Variants in HDAC1 observed in about 807,000 individuals in gnomAD.
The protein encoded by HDAC1 is histone deacetylase 1.
In HDAC1, 18 loss-of-function variants were observed where a neutral mutation model predicts 65.5. The ratio of observed to expected loss-of-function variants is 0.27; its 90% CI spans 0.19 to 0.41. HDAC1 has a LOEUF of 0.41. Among genes scored for constraint, HDAC1 ranks in the 10% least tolerant of loss-of-function variants. The pLI is 1.00. For synonymous variants in HDAC1, 211 were observed against 227.9 expected (o/e 0.93, Z 0.67); for missense variants, 373 against 625.2 (o/e 0.60, Z 4.30).
At chr1:32,324,152 T>C (rs550987498) in intron 3 of HDAC1, among the ~76,000 whole-genome samples, 36 of 151,586 alleles carry the variant, frequency 2.4e-4, no homozygotes, top group African/African-American at 8.7e-4. Flanking sequence ...CATGCACCTG[T>C]AGTCCAAAGT....
chr1:32,310,484 A>G (rs1477277113), intron 2 of HDAC1, among the ~76,000 whole-genome samples: 2 of 152,156 alleles, frequency 1.3e-5, no homozygotes, highest in Non-Finnish European at 2.9e-5. Flanking sequence ...AGGCTAAGGC[A>G]AGAAGATCAC....
At position 32,321,458 on chromosome 1, in the gene HDAC1, G is replaced by C. The variant is rs550048011; in HGVS notation, c.281-3021G>C. On this transcript the variant is annotated intron_variant, in intron 3 of 13. Coordinates refer to ENST00000373548, the MANE Select transcript of HDAC1 (RefSeq NM_004964.3). ...TAATCTTCCCATCTCTTTGCAATGAGCATTTGACTGCCTTCTCTGCCTACG... is the reference window on the plus strand; with the variant it reads ...TAATCTTCCCATCTCTTTGCAATGACCATTTGACTGCCTTCTCTGCCTACG... Among the ~76,000 whole-genome samples, 3 of 146,186 alleles carry C rather than the reference G, an allele frequency of 2.1e-5. No homozygotes were observed. In the South Asian group the frequency reaches 6.5e-4, roughly 32 times the overall value.
chr1:32,314,386 T>G (rs1347844626), intron 2 of HDAC1, among the ~76,000 whole-genome samples: 1 of 151,414 alleles, frequency 6.6e-6, no homozygotes, highest in Non-Finnish European at 1.5e-5. Flanking sequence ...AGAGACAGGG[T>G]TTCACCACGT....
chr1:32,301,290 C>CA (rs1409602796), intron 1 of HDAC1, among the ~76,000 whole-genome samples: 1 of 151,494 alleles, frequency 6.6e-6, no homozygotes, highest in Non-Finnish European at 1.5e-5. Context: ...ACTAAAAATA[C>CA]AAAAAATTAG....
At chr1:32,295,873 A>G (rs935222275) in intron 1 of HDAC1, among the ~76,000 whole-genome samples, 2 of 152,136 alleles carry the variant, frequency 1.3e-5, no homozygotes, top group Non-Finnish European at 2.9e-5. Context: ...GATTATAGGC[A>G]TGACCCACCA....
chr1:32,306,810 CTG>C (rs1162714094), intron 2 of HDAC1, among the ~76,000 whole-genome samples: 1 of 152,026 alleles, frequency 6.6e-6, no homozygotes, highest in Non-Finnish European at 1.5e-5. Flanking sequence ...ATGGATAGTA[CTG>C]TATCCTATAT....
intron 13 of HDAC1, 110 bp from the exon 14 acceptor site, chr1:32,332,907 G>A: frequency 1.6e-6 from 2 of 1,257,258 alleles, no homozygotes; most frequent in Non-Finnish European, 2.3e-6. Flanking sequence ...GCAGAGCTAG[G>A]AGCCCCAGCC....
rs893214989 is a variant in HDAC1 at position 32,330,235 on chromosome 1, C to T, written c.730-343C>T. On this transcript the variant is annotated intron_variant, in intron 7 of 13. Transcript: ENST00000373548. This position sits in a 1 kb window ranked among gnomAD's most constrained non-coding sequence, Gnocchi z 4.2. ...ATGTAAGGCTTCAAGTCTGTAAGAC[C>T]GAATGAGTAGAGTAGATGCAGCTAA... 2 of 269,544 alleles carry T rather than the reference C, an allele frequency of 7.4e-6. No individual in the cohort carries two copies. Among genetic ancestry groups the T allele is most frequent in the Non-Finnish European group, 1.4e-5 (2 of 139,200 alleles). 16.7% of individuals were successfully genotyped at this position (269,544 alleles called of 1,614,324 possible). A position where few individuals can be genotyped will look rare whatever the true frequency, so the allele number is the denominator to read the frequency against.
At chr1:32,293,279 C>A in intron 1 of HDAC1, among the ~76,000 whole-genome samples, 1 of 150,414 alleles carries the variant, frequency 6.6e-6, no homozygotes, top group Non-Finnish European at 1.5e-5. Flanking sequence ...TGAGATCGTG[C>A]CACTGCACTC....
intron 4 of HDAC1, among the ~76,000 whole-genome samples, chr1:32,326,030 AAAC>A (rs946615425): frequency 1.2e-4 from 19 of 152,188 alleles, no homozygotes; most frequent in South Asian, 2.1e-4. Flanking sequence ...CCATCTCAAA[AAAC>A]AACAACAAAT....
In HDAC1 at chr1:32,330,790, T is replaced by C. The variant is rs751266844; in HGVS notation, c.861T>C (p.Phe287=). Residue 287 remains phenylalanine (F), a synonymous_variant, in exon 9 of 14, where the codon TTT becomes TTC. Coordinates refer to ENST00000373548, the MANE Select transcript of HDAC1 (RefSeq NM_004964.3). This position sits in a 1 kb window ranked among gnomAD's most constrained non-coding sequence, Gnocchi z 4.2. ...AAGGACACGCCAAGTGTGTGGAATT[T>C]GTCAAGAGCTTTAACCTGCCTATGC... ...TIKGHAKCVE[F]VKSFNLPMLM... The C allele has an allele frequency of 6.2e-7, 1 of 1,614,180 alleles. No individual in the cohort carries two copies.
In HDAC1 at chr1:32,333,241, A is replaced by T; in HGVS notation, c.*197A>T. 2.1e-6 allele frequency: 1 copy of T among 478,016 alleles called. No homozygotes were observed. 29.6% of individuals were successfully genotyped at this position (478,016 alleles called of 1,614,324 possible). The stretch of plus-strand genomic sequence containing the variant: ...TCTTCCAGGAGCCACCTTGCCACCC[A>T]TTCTTCCCGTTCTTAACTTTGAACC... On this transcript the variant is annotated 3_prime_UTR_variant, in exon 14 of 14. Transcript: ENST00000373548.
At chr1:32,309,984 A>G (rs1359240202) in intron 2 of HDAC1, among the ~76,000 whole-genome samples, 3 of 152,218 alleles carry the variant, frequency 2.0e-5, no homozygotes, top group Admixed American at 6.5e-5. Context: ...GGTGCTTGGC[A>G]GATTGGCACA....
At chr1:32,322,844 T>C (rs1641166361) in intron 3 of HDAC1, among the ~76,000 whole-genome samples, 1 of 152,224 alleles carries the variant, frequency 6.6e-6, no homozygotes, top group Non-Finnish European at 1.5e-5. Flanking sequence ...CCTGGTTTTA[T>C]AACCTTGGGC....
At chr1:32,299,206 T>C (rs1447276564) in intron 1 of HDAC1, among the ~76,000 whole-genome samples, 1 of 152,082 alleles carries the variant, frequency 6.6e-6, no homozygotes, top group Non-Finnish European at 1.5e-5. Flanking sequence ...TCATGCTGTG[T>C]GCTCCCCTGT....
chr1:32,294,063 G>A (rs112327085), intron 1 of HDAC1, among the ~76,000 whole-genome samples: 5,731 of 148,822 alleles, frequency 0.039, 356 homozygotes, highest in African/African-American at 0.13. Context: ...GCGAGACTTC[G>A]TCTCAAAAAA....
chr1:32,314,547 C>A (rs764263613), intron 2 of HDAC1, among the ~76,000 whole-genome samples: 1 of 151,976 alleles, frequency 6.6e-6, no homozygotes, highest in Non-Finnish European at 1.5e-5. Flanking sequence ...AGATATTTCG[C>A]CGGGCAAGGT....
chr1:32,314,524 T>C (rs1282597625), intron 2 of HDAC1, among the ~76,000 whole-genome samples: 1 of 151,998 alleles, frequency 6.6e-6, no homozygotes, highest in African/African-American at 2.4e-5. Flanking sequence ...TTATAAATAT[T>C]TCTTAAATAT....
At chr1:32,312,848 G>C (rs1641008728) in intron 2 of HDAC1, among the ~76,000 whole-genome samples, 2 of 151,748 alleles carry the variant, frequency 1.3e-5, no homozygotes, top group Admixed American at 1.3e-4. Context: ...GCTAATTTTT[G>C]TATTTTTTGC....
Sources: allele counts gnomAD v4.1 joint callset (sites outside exome capture counted in the v4.1 genomes callset), GRCh38; gene constraint gnomAD v4.1.1; non-coding constraint Gnocchi (gnomAD v3.1); transcripts MANE v1.5; gene names NCBI Gene and HGNC (gene_info 2026-07-23, HGNC 2026-07-21).